The following ADGRE1 variants were observed in gnomAD, a reference collection of about 807,000 sequenced individuals.
The protein encoded by ADGRE1 is adhesion G protein-coupled receptor E1.
ADGRE1 carries 82 observed loss-of-function variants against 102.7 expected under a neutral mutation model. The ratio of observed to expected loss-of-function variants is 0.80; its 90% CI spans 0.67 to 0.96. The LOEUF (loss-of-function observed/expected upper bound fraction) is 0.96, where lower values mean the gene tolerates loss of function less well. Among genes scored for constraint, ADGRE1 ranks in the 40% least tolerant of loss-of-function variants. The pLI is 0.00. For synonymous variants in ADGRE1, 398 were observed against 399.6 expected, an observed-to-expected ratio of 1.00 and a Z score of 0.05; for missense variants, 1,032 against 1,085.3, an observed-to-expected ratio of 0.95 and a Z score of 0.69.
intron 2 of ADGRE1, chr19:6,895,594 CCTG>C (rs766092465): frequency 3.3e-5 from 5 of 152,234 alleles, no homozygotes; most frequent in Non-Finnish European, 7.3e-5. Flanking sequence ...CTTCCCCAGA[CCTG>C]CTGAATTAGT....
chr19:6,891,545 C>A (rs1973374297), intron 2 of ADGRE1, among the ~76,000 whole-genome samples: 1 of 151,620 alleles, frequency 6.6e-6, no homozygotes, highest in African/African-American at 2.4e-5. Context: ...GCTCCGCCTT[C>A]CAGGTTCACG....
At chr19:6,900,353 C>T (rs1352818058) in intron 5 of ADGRE1, among the ~76,000 whole-genome samples, 1 of 151,748 alleles carries the variant, frequency 6.6e-6, no homozygotes, top group Non-Finnish European at 1.5e-5. Flanking sequence ...AGTGTGGTGG[C>T]ATGTGCCTGT....
chr19:6,919,874 TTCA>T (rs565961946), intron 13 of ADGRE1, 127 bp downstream of exon 13: 2 of 832,566 alleles, frequency 2.4e-6, no homozygotes, highest in South Asian at 1.7e-5. Flanking sequence ...TTTCCAGCAA[TTCA>T]AGCCAATTAA....
At chr19:6,901,770 G>A in intron 5 of ADGRE1, 105 bp from the exon 6 acceptor site, 2 of 1,189,880 alleles carry the variant, frequency 1.7e-6, no homozygotes, top group Non-Finnish European at 2.4e-6. Context: ...GGGAGCATCA[G>A]CCCTGTCTGC....
intron 2 of ADGRE1, chr19:6,895,053 T>A (rs1446318161): frequency 6.6e-6 from 1 of 152,238 alleles, no homozygotes; most frequent in Non-Finnish European, 1.5e-5. Context: ...AACTTGAAGA[T>A]GGAACAGCGT....
At chr19:6,915,349 A>G (rs1196963633) in intron 11 of ADGRE1, among the ~76,000 whole-genome samples, 1 of 152,196 alleles carries the variant, frequency 6.6e-6, no homozygotes, top group African/African-American at 2.4e-5. Context: ...AAATTTGGGA[A>G]CAGGTATGGT....
intron 9 of ADGRE1, among the ~76,000 whole-genome samples, chr19:6,906,936 G>A (rs1321993813): frequency 6.6e-6 from 1 of 152,114 alleles, no homozygotes; most frequent in East Asian, 1.9e-4. Flanking sequence ...GAGAATGTTT[G>A]CCTATCTAAA....
Position 6,924,750 on chromosome 19 carries a change from G to A in ADGRE1, c.1864G>A (p.Ala622Thr), listed in dbSNP as rs768955899. The A allele has an allele frequency of 1.7e-5, 27 of 1,613,882 alleles. No individual in the cohort carries two copies. Among genetic ancestry groups the A allele is most frequent in the East Asian group, 2.2e-5 (1 of 44,880 alleles). The change falls in exon 15 of 21, where the codon GCC becomes ACC. Residue 622 changes from alanine to threonine, a missense_variant. Ala to Thr is a moderately conservative substitution (Grantham distance 58, BLOSUM62 0). Transcript: ENST00000312053. ...CTTGGTGTGCCTCGTCTTGGCCATC[G>A]CCACCTTTCTGCTGTGTCGCTCCAT... ...ISLVCLVLAI[A>T]TFLLCRSIRN... is the part of the protein sequence containing the mutation.
chr19:6,935,484 T>G (rs1022090643), intron 18 of ADGRE1, among the ~76,000 whole-genome samples: 3 of 152,196 alleles, frequency 2.0e-5, no homozygotes, highest in Non-Finnish European at 4.4e-5. Context: ...TATTTTGTTT[T>G]TTATGGTTTT....
chr19:6,938,884 C>T (rs888473158), intron 20 of ADGRE1, among the ~76,000 whole-genome samples: 1 of 151,588 alleles, frequency 6.6e-6, no homozygotes. Context: ...CAACCTCTGC[C>T]TCCTGGGTTC....
At chr19:6,900,105 A>C (rs1973711921) in intron 5 of ADGRE1, among the ~76,000 whole-genome samples, 3 of 151,992 alleles carry the variant, frequency 2.0e-5, no homozygotes, top group African/African-American at 7.3e-5. Context: ...AAAAAAAAAA[A>C]AAAGAAAGTT....
intron 13 of ADGRE1, among the ~76,000 whole-genome samples, chr19:6,921,337 G>A (rs979617231): frequency 1.3e-5 from 2 of 152,074 alleles, no homozygotes; most frequent in East Asian, 1.9e-4. Flanking sequence ...CAGAAGAATC[G>A]CTTGAACCCC....
At chr19:6,938,791 T>G (rs539058342) in intron 20 of ADGRE1, among the ~76,000 whole-genome samples, 2 of 137,474 alleles carry the variant, frequency 1.5e-5, no homozygotes, top group Admixed American at 7.4e-5. Flanking sequence ...CTTTCTTTCT[T>G]TCTTTTTTTC....
chr19:6,928,901 T>G (rs1975030367), intron 17 of ADGRE1, among the ~76,000 whole-genome samples: 1 of 150,672 alleles, frequency 6.6e-6, no homozygotes. Context: ...ATTGCGCCAT[T>G]GCACTCCAGC....
At chr19:6,890,080 T>A (rs79801288) in intron 1 of ADGRE1, among the ~76,000 whole-genome samples, 3,108 of 152,132 alleles carry the variant, frequency 0.02, 108 homozygotes, top group African/African-American at 0.07. Context: ...CCAGCTAATT[T>A]AAAAAATTTT....
At chr19:6,937,523 A>T in intron 19 of ADGRE1, 21 bp from the exon 20 acceptor site, 1 of 1,586,242 alleles carries the variant, frequency 6.3e-7, no homozygotes, top group Non-Finnish European at 8.6e-7. Flanking sequence ...CTGCATCTGG[A>T]TGATGTGTCT....
chr19:6,910,263 G>A (rs659977), intron 10 of ADGRE1, among the ~76,000 whole-genome samples: 95,621 of 151,672 alleles, frequency 0.63, 31,929 homozygotes, highest in Non-Finnish European at 0.75. Flanking sequence ...CAATTTCCTC[G>A]AATGTTTTAT....
intron 11 of ADGRE1, among the ~76,000 whole-genome samples, chr19:6,914,495 G>A (rs775491302): frequency 6.6e-5 from 10 of 152,200 alleles, no homozygotes; most frequent in Non-Finnish European, 1.3e-4. Flanking sequence ...CTTGGGAATA[G>A]TGGTTGCTGT....
intron 16 of ADGRE1, among the ~76,000 whole-genome samples, chr19:6,926,969 G>T (rs1054617208): frequency 1.3e-5 from 2 of 151,860 alleles, no homozygotes; most frequent in Admixed American, 6.6e-5. Flanking sequence ...CGAAGCAGAA[G>T]AATCACCTGA....
Sources: allele counts gnomAD v4.1 joint callset (sites outside exome capture counted in the v4.1 genomes callset), GRCh38; gene constraint gnomAD v4.1.1; transcripts MANE v1.5; gene names NCBI Gene and HGNC (gene_info 2026-07-23, HGNC 2026-07-21).